The following PCOLCE2 variants were observed in gnomAD, a reference collection of about 807,000 sequenced individuals.
PCOLCE2 encodes the protein procollagen C-endopeptidase enhancer 2.
Under a neutral mutation model 47.0 loss-of-function variants are expected in PCOLCE2, and 42 were observed. The ratio of observed to expected loss-of-function variants is 0.89; its 90% CI spans 0.70 to 1.16. The LOEUF is 1.16. PCOLCE2 is among the 50% of genes most tolerant of loss of function. The probability of loss-of-function intolerance (pLI) is 0.00; values close to 1 mark genes in which losing one functional copy is unlikely to be tolerated. For missense variants in PCOLCE2, 500 were observed against 526.1 expected, an observed-to-expected ratio of 0.95 and a Z score of 0.49; for synonymous variants, 169 against 191.7, an observed-to-expected ratio of 0.88 and a Z score of 0.98.
chr3:142,827,829 A>G, intron 6 of PCOLCE2: 1 of 558,664 alleles, frequency 1.8e-6, no homozygotes, highest in South Asian at 2.1e-5. Flanking sequence ...GACACCTCAA[A>G]CCCAACAAGG....
chr3:142,834,323 G>T (rs1042508886), intron 5 of PCOLCE2, among the ~76,000 whole-genome samples: 1 of 152,104 alleles, frequency 6.6e-6, no homozygotes, highest in Non-Finnish European at 1.5e-5. Flanking sequence ...GAATTAGACT[G>T]CTAGGCTTAA....
At chr3:142,887,548 C>A (rs1489844460) in intron 2 of PCOLCE2, 121 bp downstream of exon 2, 3 of 634,020 alleles carry the variant, frequency 4.7e-6, no homozygotes, top group African/African-American at 1.8e-5. Context: ...GTAAATCCAA[C>A]ATTTCACTAT....
intron 2 of PCOLCE2, among the ~76,000 whole-genome samples, chr3:142,861,563 G>A (rs2108203918): frequency 6.6e-6 from 1 of 152,012 alleles, no homozygotes; most frequent in South Asian, 2.1e-4. Context: ...TTTGTTTTTA[G>A]TATCCTGCTT....
intron 2 of PCOLCE2, among the ~76,000 whole-genome samples, chr3:142,855,160 T>C (rs1560136456): frequency 6.6e-6 from 1 of 152,192 alleles, no homozygotes; most frequent in Non-Finnish European, 1.5e-5. Flanking sequence ...TGAGCACCCC[T>C]GGTCACTTAG....
At chr3:142,885,905 A>G (rs1282784101) in intron 2 of PCOLCE2, among the ~76,000 whole-genome samples, 1 of 152,100 alleles carries the variant, frequency 6.6e-6, no homozygotes, top group Non-Finnish European at 1.5e-5. Flanking sequence ...ATTCCATTCC[A>G]GCCACTCCAA....
At chr3:142,876,190 G>A (rs1314077985) in intron 2 of PCOLCE2, among the ~76,000 whole-genome samples, 2 of 152,240 alleles carry the variant, frequency 1.3e-5, no homozygotes, top group Non-Finnish European at 2.9e-5. Flanking sequence ...CATTAGTGCA[G>A]GGACCTTCTC....
chr3:142,819,927 T>G (rs1936993010), intron 8 of PCOLCE2, among the ~76,000 whole-genome samples: 1 of 151,640 alleles, frequency 6.6e-6, no homozygotes, highest in South Asian at 2.1e-4. Flanking sequence ...CAGTAAAGCT[T>G]TCTTGAAGTG....
intron 3 of PCOLCE2, among the ~76,000 whole-genome samples, chr3:142,847,322 C>T (rs1937337795): frequency 6.6e-6 from 1 of 152,200 alleles, no homozygotes; most frequent in Non-Finnish European, 1.5e-5. Context: ...TGGATTTCCT[C>T]CCCAACATTC....
At chr3:142,853,250 T>C (rs1427218399) in intron 2 of PCOLCE2, among the ~76,000 whole-genome samples, 1 of 152,144 alleles carries the variant, frequency 6.6e-6, no homozygotes, top group Non-Finnish European at 1.5e-5. Context: ...ACCTGGAACA[T>C]GTTCCCACTT....
intron 2 of PCOLCE2, among the ~76,000 whole-genome samples, chr3:142,874,499 G>A (rs149941111): frequency 1.1e-4 from 16 of 152,272 alleles, no homozygotes; most frequent in African/African-American, 1.9e-4. Context: ...ATGAAAAACC[G>A]TGAGTCAATT....
chr3:142,819,189 T>C (rs1397241885), intron 8 of PCOLCE2, among the ~76,000 whole-genome samples: 1 of 152,224 alleles, frequency 6.6e-6, no homozygotes, highest in Non-Finnish European at 1.5e-5. Flanking sequence ...TTATATTGGT[T>C]ATACTATGTT....
Position 142,827,631 on chromosome 3 carries a change from C to T in PCOLCE2, c.865+2061G>A, listed in dbSNP as rs533591883. On this transcript the variant is annotated intron_variant, in intron 6 of 8. Coordinates refer to ENST00000295992, the MANE Select transcript of PCOLCE2 (RefSeq NM_013363.4). ...ACAAACTGGCCCGTGTGAATGCCCTCGGCAGCAATGAAAAGCTCCGTCCGC... is the reference window on the plus strand; with the variant it reads ...ACAAACTGGCCCGTGTGAATGCCCTTGGCAGCAATGAAAAGCTCCGTCCGC... 8.8e-5 allele frequency: 130 copies of T among 1,469,742 alleles called. No individual in the cohort carries two copies. In the African/African-American group the frequency reaches 1.3e-3, roughly 15 times the overall value. The allele number at this position is 1,469,742 out of a possible 1,614,324, so 91.0% of individuals were successfully genotyped here.
Position 142,887,621 on chromosome 3 carries a change from G to A in PCOLCE2, c.192+48C>T, listed in dbSNP as rs550151170. The A allele has an allele frequency of 7.4e-6, 7 of 946,166 alleles. No homozygotes were observed. In the East Asian group the frequency reaches 1.4e-4, roughly 19 times the overall value. 58.6% of individuals were successfully genotyped at this position (946,166 alleles called of 1,614,324 possible). A position where few individuals can be genotyped will look rare whatever the true frequency, so the allele number is the denominator to read the frequency against. ...AGGAAAAAGGCAGCAGCCTCACACT[G>A]TTGCCAACACCCACTTCCAGGAGAA... is the stretch of plus-strand genomic sequence containing the variant. On this transcript the variant is annotated intron_variant, in intron 2 of 8. Transcript: ENST00000295992.
intron 2 of PCOLCE2, among the ~76,000 whole-genome samples, chr3:142,849,370 AGTTTTTTGCTCATTTGTTTTCC>A (rs1937365778): frequency 6.6e-6 from 1 of 152,150 alleles, no homozygotes; most frequent in Non-Finnish European, 1.5e-5. Flanking sequence ...AATGTCACTA[AGTTTTTTGCTCATTTGTTTTCC>A]AGGTGAAGAC....
intron 2 of PCOLCE2, among the ~76,000 whole-genome samples, chr3:142,877,810 C>T (rs1206473261): frequency 6.6e-6 from 1 of 152,196 alleles, no homozygotes; most frequent in Non-Finnish European, 1.5e-5. Flanking sequence ...GACATCTCCC[C>T]AATGAGTAAG....
intron 2 of PCOLCE2, among the ~76,000 whole-genome samples, chr3:142,855,501 T>C (rs955264290): frequency 6.6e-6 from 1 of 152,106 alleles, no homozygotes; most frequent in Admixed American, 6.5e-5. Flanking sequence ...AGAAAGACAA[T>C]GGCAGAACTC....
chr3:142,848,342 C>T lies in PCOLCE2; in HGVS notation c.323G>A (p.Gly108Asp). The stretch of plus-strand genomic sequence containing the variant: ...CACAAGGGCTCCAGGCCGGAAAGTG[C>T]CACAGAAGCGGCCAATGCGCTGGCC... ...ANGQRIGRFC[G>D]TFRPGALVSS... The change falls in exon 3 of 9, where the codon GGC becomes GAC. Residue 108 changes from glycine (G) to aspartate (D), a missense_variant. Gly to Asp is a moderately conservative substitution (Grantham distance 94). Coordinates refer to ENST00000295992, the MANE Select transcript of PCOLCE2 (RefSeq NM_013363.4). The T allele has an allele frequency of 6.2e-7, 1 of 1,614,248 alleles. No individual in the cohort carries two copies. Among genetic ancestry groups the T allele is most frequent in the Non-Finnish European group, 8.5e-7 (1 of 1,180,042 alleles).
chr3:142,847,503 G>T (rs952722880), intron 3 of PCOLCE2, among the ~76,000 whole-genome samples: 1 of 152,160 alleles, frequency 6.6e-6, no homozygotes, highest in South Asian at 2.1e-4. Flanking sequence ...ACGCTTGGGA[G>T]CTCACTATAT....
chr3:142,838,752 T>C lies in PCOLCE2; in HGVS notation c.710+18A>G. 2 of 1,609,154 alleles carry C rather than the reference T, an allele frequency of 1.2e-6. No individual in the cohort carries two copies. The highest frequency in any genetic ancestry group is 1.7e-6 in the Non-Finnish European group (2 of 1,176,158). ...TAGAGCCATAAAACTATTAAAGACA[T>C]AAATAGGTGCTACTTACGCAGGTGG... On this transcript the variant is annotated intron_variant, in intron 5 of 8. Coordinates refer to ENST00000295992, the MANE Select transcript of PCOLCE2 (RefSeq NM_013363.4).
Sources: allele counts gnomAD v4.1 joint callset (sites outside exome capture counted in the v4.1 genomes callset), GRCh38; gene constraint gnomAD v4.1.1; transcripts MANE v1.5; gene names NCBI Gene and HGNC (gene_info 2026-07-23, HGNC 2026-07-21).